Variants in DISC1 observed in about 807,000 individuals in gnomAD.
DISC1 encodes the protein DISC1 scaffold protein, also known as disrupted in schizophrenia 1 protein.
Under a neutral mutation model 84.5 loss-of-function variants are expected in DISC1, and 57 were observed. The observed-to-expected ratio is 0.67, with a 90% CI of 0.55 to 0.84. The LOEUF is 0.84. Ranked by LOEUF, DISC1 falls within the 40% of genes least tolerant of loss-of-function variation. The pLI, the probability that DISC1 is intolerant of heterozygous loss-of-function variation, is 0.00. For synonymous variants in DISC1, 411 were observed against 415.2 expected (o/e 0.99, Z 0.12); for missense variants, 1,000 against 1,057.8 (o/e 0.95, Z 0.76).
chr1:231,869,846 G>T (rs1277769720), intron 9 of DISC1, among the ~76,000 whole-genome samples: 1 of 152,082 alleles, frequency 6.6e-6, no homozygotes, highest in African/African-American at 2.4e-5. Context: ...AATTGTTTGG[G>T]CCTTGGTTCC....
chr1:231,921,041 G>A (rs1014311378), intron 9 of DISC1, among the ~76,000 whole-genome samples: 34 of 151,788 alleles, frequency 2.2e-4, no homozygotes, highest in African/African-American at 7.7e-4. Context: ...CAAGTAGCTG[G>A]GACTACAGGC....
intron 9 of DISC1, among the ~76,000 whole-genome samples, chr1:231,927,237 G>A (rs2090406428): frequency 6.6e-6 from 1 of 152,204 alleles, no homozygotes; most frequent in African/African-American, 2.4e-5. Flanking sequence ...TTATAGCCAT[G>A]TATTGGCTTA....
intron 6 of DISC1, among the ~76,000 whole-genome samples, chr1:231,788,847 G>A (rs1020010239): frequency 1.6e-4 from 24 of 152,202 alleles, no homozygotes; most frequent in African/African-American, 5.3e-4. Flanking sequence ...CCATCCTGTG[G>A]TTTGAGTGTG....
intron 10 of DISC1, among the ~76,000 whole-genome samples, chr1:231,960,606 A>G (rs1660257947): frequency 6.6e-6 from 1 of 152,208 alleles, no homozygotes; most frequent in African/African-American, 2.4e-5. Flanking sequence ...GGAAAAACAC[A>G]AACTGCTTTT....
intron 10 of DISC1, among the ~76,000 whole-genome samples, chr1:231,992,635 T>C (rs1665372140): frequency 2.0e-5 from 3 of 152,192 alleles, no homozygotes; most frequent in African/African-American, 7.2e-5. Context: ...TTGGGCAGCT[T>C]AGAAGCCAAT....
chr1:231,923,689 C>A (rs1187196648), intron 9 of DISC1, among the ~76,000 whole-genome samples: 3 of 152,224 alleles, frequency 2.0e-5, no homozygotes, highest in Admixed American at 6.5e-5. Flanking sequence ...CCCAAGAACA[C>A]GTCTCTGCTG....
chr1:231,736,600 A>C (rs537254622), intron 3 of DISC1, among the ~76,000 whole-genome samples: 1 of 152,338 alleles, frequency 6.6e-6, no homozygotes, highest in East Asian at 1.9e-4. Flanking sequence ...CAGTGTTCTG[A>C]AATGTCTGAG....
intron 10 of DISC1, among the ~76,000 whole-genome samples, chr1:231,990,181 G>T (rs1442313686): frequency 2.6e-5 from 4 of 152,004 alleles, no homozygotes; most frequent in Non-Finnish European, 5.9e-5. Context: ...ATTGTCTGGT[G>T]GTTCTGTTAT....
At chr1:231,894,745 TTGTGTGTGTGTGTGTG>T (rs3222846) in intron 9 of DISC1, among the ~76,000 whole-genome samples, 1 of 144,488 alleles carries the variant, frequency 6.9e-6, no homozygotes, top group Non-Finnish European at 1.5e-5. Flanking sequence ...GTGTCATCTG[TTGTGTGTGTGTGTGTG>T]TGTGTGTGTG....
chr1:232,010,539 G>A (rs566021412), intron 11 of DISC1, among the ~76,000 whole-genome samples: 8 of 152,184 alleles, frequency 5.3e-5, no homozygotes, highest in Non-Finnish European at 8.8e-5. Flanking sequence ...CTCCTGTAGC[G>A]GAGAAAAATG....
Position 231,767,284 on chromosome 1 carries a change from G to A in DISC1, c.1398+15G>A, listed in dbSNP as rs1357880695. On this transcript the variant is annotated intron_variant, in intron 5 of 12. Coordinates refer to ENST00000439617, the MANE Select transcript of DISC1 (RefSeq NM_018662.3). ...AGCAGCTACAGGTGAGCAGGTGAAA[G>A]ATCTTCAAGAAATATGATGGCATTT... The A allele has an allele frequency of 3.7e-6, 6 of 1,614,092 alleles. No individual in the cohort carries two copies. In the South Asian group the frequency reaches 6.6e-5, roughly 18 times the overall value.
intron 1 of DISC1, among the ~76,000 whole-genome samples, chr1:231,649,110 GT>G (rs1322875109): frequency 3.9e-5 from 6 of 152,084 alleles, no homozygotes; most frequent in Non-Finnish European, 5.9e-5. Context: ...TTTTGAATGT[GT>G]TTGCTCTTGC....
chr1:231,997,530 G>C (rs1666108427), intron 10 of DISC1, among the ~76,000 whole-genome samples: 1 of 152,096 alleles, frequency 6.6e-6, no homozygotes, highest in African/African-American at 2.4e-5. Flanking sequence ...ACATTGCTGA[G>C]GAAGGCCAAT....
chr1:231,696,297 TA>T (rs2065694540), intron 2 of DISC1, among the ~76,000 whole-genome samples: 1 of 152,204 alleles, frequency 6.6e-6, no homozygotes, highest in Non-Finnish European at 1.5e-5. Flanking sequence ...TCCAGTTAAT[TA>T]AACTAAATGT....
chr1:232,005,599 A>G (rs1667321631), intron 10 of DISC1, among the ~76,000 whole-genome samples: 1 of 152,184 alleles, frequency 6.6e-6, no homozygotes, highest in Non-Finnish European at 1.5e-5. Flanking sequence ...AATACATGAT[A>G]TTCTTAGCTG....
At chr1:231,847,633 C>A (rs182306865) in intron 9 of DISC1, among the ~76,000 whole-genome samples, 3 of 152,246 alleles carry the variant, frequency 2.0e-5, no homozygotes, top group Admixed American at 1.3e-4. Context: ...CTAGATGCAC[C>A]GAGCTTGTTC....
chr1:231,705,494 G>T (rs1290302462), intron 3 of DISC1, among the ~76,000 whole-genome samples: 1 of 151,786 alleles, frequency 6.6e-6, no homozygotes, highest in Non-Finnish European at 1.5e-5. Flanking sequence ...AGAGAAGAGG[G>T]AGAAAGGGCA....
intron 1 of DISC1, among the ~76,000 whole-genome samples, chr1:231,639,437 A>G (rs1029108221): frequency 6.6e-6 from 1 of 152,218 alleles, no homozygotes; most frequent in African/African-American, 2.4e-5. Context: ...ATCATGAAGT[A>G]TGGTGCATTC....
chr1:231,796,061 T>C (rs1456671314), intron 7 of DISC1, among the ~76,000 whole-genome samples: 1 of 152,204 alleles, frequency 6.6e-6, no homozygotes, highest in Admixed American at 6.5e-5. Flanking sequence ...ATCCATCGTT[T>C]ATACTGCCAT....
Sources: allele counts gnomAD v4.1 joint callset (sites outside exome capture counted in the v4.1 genomes callset), GRCh38; gene constraint gnomAD v4.1.1; transcripts MANE v1.5; gene names NCBI Gene and HGNC (gene_info 2026-07-23, HGNC 2026-07-21).